Variants in SSH2 observed in about 807,000 individuals in gnomAD.
SSH2 encodes the protein protein phosphatase Slingshot homolog 2.
In SSH2, 37 loss-of-function variants were observed where a neutral mutation model predicts 135.2. The ratio of observed to expected loss-of-function variants is 0.27; its 90% confidence interval spans 0.21 to 0.36. The LOEUF (loss-of-function observed/expected upper bound fraction) is 0.36. SSH2 is among the 10% of genes least tolerant of loss of function. SSH2 has a pLI of 1.00. For missense variants in SSH2, 1,408 were observed against 1,765.3 expected (o/e 0.80, Z 3.63); for synonymous variants, 628 against 646.2 (o/e 0.97, Z 0.43).
chr17:29,912,916 T>C (rs1239872918), intron 1 of SSH2, among the ~76,000 whole-genome samples: 1 of 152,112 alleles, frequency 6.6e-6, no homozygotes, highest in Non-Finnish European at 1.5e-5. Context: ...GCTTCACTAA[T>C]GTATGTCATC....
chr17:29,673,366 T>A (rs111454008), intron 8 of SSH2, among the ~76,000 whole-genome samples: 189 of 151,952 alleles, frequency 1.2e-3, no homozygotes, highest in Non-Finnish European at 2.1e-3. Flanking sequence ...GGTCAGGAGA[T>A]CGAGATCAGC....
At chr17:29,677,306 A>G (rs2151059743) in intron 7 of SSH2, among the ~76,000 whole-genome samples, 1 of 152,262 alleles carries the variant, frequency 6.6e-6, no homozygotes, top group East Asian at 1.9e-4. Context: ...AGGAACTGGC[A>G]CAGGAAAGGG....
At chr17:29,708,630 A>C (rs1213049033) in intron 3 of SSH2, among the ~76,000 whole-genome samples, 1 of 149,876 alleles carries the variant, frequency 6.7e-6, no homozygotes, top group African/African-American at 2.4e-5. Context: ...CCGGTTCTTT[A>C]GAAAGGCAGG....
At chr17:29,870,293 C>T (rs924509016) in intron 1 of SSH2, among the ~76,000 whole-genome samples, 1 of 143,438 alleles carries the variant, frequency 7.0e-6, no homozygotes, top group African/African-American at 2.6e-5. Context: ...AAAAAAAAAG[C>T]AAAATATGCA....
chr17:29,745,285 G>C (rs901913812), intron 3 of SSH2, among the ~76,000 whole-genome samples: 3 of 151,560 alleles, frequency 2.0e-5, no homozygotes, highest in Admixed American at 6.6e-5. Context: ...TCAGCCTCCC[G>C]AGTAGCGGGG....
At chr17:29,752,948 TCTGA>T (rs1287789660) in intron 3 of SSH2, among the ~76,000 whole-genome samples, 3 of 151,622 alleles carry the variant, frequency 2.0e-5, no homozygotes, top group African/African-American at 2.4e-5. Context: ...GACTCTGGAG[TCTGA>T]CTGCCTGTGT....
At chr17:29,639,417 A>G (rs2036055576) in intron 14 of SSH2, among the ~76,000 whole-genome samples, 1 of 151,834 alleles carries the variant, frequency 6.6e-6, no homozygotes, top group Non-Finnish European at 1.5e-5. Flanking sequence ...TCAGCCCAAA[A>G]CAACTTGCCC....
intron 1 of SSH2, among the ~76,000 whole-genome samples, chr17:29,928,851 AC>A (rs895650006): frequency 1.3e-5 from 2 of 152,058 alleles, no homozygotes; most frequent in African/African-American, 4.8e-5. Flanking sequence ...TTTATTAAAT[AC>A]CTTTTTTTGC....
intron 9 of SSH2, among the ~76,000 whole-genome samples, chr17:29,669,881 CTTTTT>C (rs571124019): frequency 1.5e-5 from 2 of 133,034 alleles, no homozygotes; most frequent in Non-Finnish European, 1.6e-5. Context: ...CTAATAAAAT[CTTTTT>C]TTTTTTTTTT....
Position 29,626,183 on chromosome 17 carries a change from T to C in SSH2, c.*4658A>G, listed in dbSNP as rs1364477946. On this transcript the variant is annotated 3_prime_UTR_variant, in exon 16 of 16. Transcript: ENST00000540801. ...CACCTGCTTTAATAAAACATGAGCATAAAAGTTTGGGGTGGCTTGGGGCAA... is the reference window on the plus strand; with the variant it reads ...CACCTGCTTTAATAAAACATGAGCACAAAAGTTTGGGGTGGCTTGGGGCAA... 2.7e-5 allele frequency: 4 copies of C among 150,912 alleles called. No homozygotes were observed. The highest frequency in any genetic ancestry group is 9.8e-5 in the African/African-American group (4 of 40,734). The allele number at this position is 150,912 out of a possible 1,614,324, so 9.3% of individuals were successfully genotyped here.
At chr17:29,857,060 C>T (rs1211597021) in intron 1 of SSH2, among the ~76,000 whole-genome samples, 1 of 152,082 alleles carries the variant, frequency 6.6e-6, no homozygotes, top group East Asian at 1.9e-4. Flanking sequence ...CCTCACATTT[C>T]AAAACCAATC....
chr17:29,780,014 C>T (rs537965505), intron 3 of SSH2, among the ~76,000 whole-genome samples: 53 of 151,870 alleles, frequency 3.5e-4, no homozygotes, highest in Non-Finnish European at 4.6e-4. Flanking sequence ...GTCAGTTGTT[C>T]GAGACCAGTC....
intron 1 of SSH2, among the ~76,000 whole-genome samples, chr17:29,910,303 A>C (rs2066742567): frequency 6.9e-6 from 1 of 144,664 alleles, no homozygotes; most frequent in South Asian, 2.3e-4. Flanking sequence ...TTCAGAGGGT[A>C]CACCCCTGCC....
intron 8 of SSH2, 78 bp downstream of exon 8, chr17:29,676,742 C>A (rs1471488012): frequency 8.5e-7 from 1 of 1,180,972 alleles, no homozygotes; most frequent in Non-Finnish European, 1.3e-6. Flanking sequence ...GCAAACTGTA[C>A]CATTTCAAAC....
chr17:29,642,478 C>T lies in SSH2; in HGVS notation c.1427+5666G>A, dbSNP rs59681198. On this transcript the variant is annotated intron_variant, in intron 14 of 15. Transcript: ENST00000540801. ...CCTCTCTAATGGAACATAAATCTGCCAGATACCTGCATGATCAGAGTGCAG... is the reference window on the plus strand; with the variant it reads ...CCTCTCTAATGGAACATAAATCTGCTAGATACCTGCATGATCAGAGTGCAG... 7.9e-5 allele frequency among the ~76,000 whole-genome samples: 12 copies of T among 152,116 alleles called. No individual in the cohort carries two copies. In the East Asian group the frequency reaches 9.7e-4, roughly 12 times the overall value.
In SSH2 at chr17:29,677,734, A is replaced by G. The variant is rs1005370009; in HGVS notation, c.487T>C (p.Cys163Arg). Residue 163 changes from cysteine (C) to arginine (R), a missense_variant, in exon 7 of 16, where the codon TGT becomes CGT. Around this residue, in one of 3 missense-constraint regions of SSH2, gnomAD observed 222 missense variants for 355.6 expected, o/e 0.62. Coordinates refer to ENST00000540801, the MANE Select transcript of SSH2 (RefSeq NM_001282129.2). ...AGAGGCAAAACTAAGCCCATGGTAC[A>G]AGTGCTACTGCAAGACAAGAAGTAG... Reference protein sequence around the residue: ...MDFSSNDSSTCTMGLVLPLWS... With the variant: ...MDFSSNDSSTRTMGLVLPLWS... The G allele has an allele frequency of 1.2e-6, 2 of 1,613,804 alleles. No individual in the cohort carries two copies. The highest frequency in any genetic ancestry group is 1.7e-6 in the Non-Finnish European group (2 of 1,179,780).
At chr17:29,683,915 T>G (rs2038094783) in intron 6 of SSH2, among the ~76,000 whole-genome samples, 1 of 152,094 alleles carries the variant, frequency 6.6e-6, no homozygotes, top group Non-Finnish European at 1.5e-5. Flanking sequence ...ATCACGGCAC[T>G]TCAGCCTGGG....
At chr17:29,873,286 G>A (rs1328709143) in intron 1 of SSH2, among the ~76,000 whole-genome samples, 5 of 152,040 alleles carry the variant, frequency 3.3e-5, no homozygotes, top group African/African-American at 9.7e-5. Flanking sequence ...GAGGCCGGGC[G>A]CAGTGGCTCA....
At chr17:29,756,428 A>ACCTG (rs914800723) in intron 3 of SSH2, among the ~76,000 whole-genome samples, 97 of 151,098 alleles carry the variant, frequency 6.4e-4, no homozygotes, top group African/African-American at 2.2e-3. Flanking sequence ...GAACCACTAC[A>ACCTG]CCTGCCTGCC....
Sources: allele counts gnomAD v4.1 joint callset (sites outside exome capture counted in the v4.1 genomes callset), GRCh38; gene constraint gnomAD v4.1.1; regional missense constraint gnomAD v4.1.1; transcripts MANE v1.5; gene names NCBI Gene and HGNC (gene_info 2026-07-23, HGNC 2026-07-21).